LMLN: variants seen among roughly 807,000 people sequenced by gnomAD.
LMLN encodes leishmanolysin like peptidase.
LMLN carries 70 observed loss-of-function variants against 92.3 expected under a neutral mutation model. That is an observed-to-expected ratio of 0.76 (90% confidence interval 0.63 to 0.92). The LOEUF is 0.92. Ranked by LOEUF, LMLN falls within the 40% of genes least tolerant of loss-of-function variation. The pLI is 0.00. For missense variants in LMLN, 691 were observed against 814.6 expected (o/e 0.85, Z 1.85); for synonymous variants, 308 against 296.2 (o/e 1.04, Z -0.41).
intron 9 of LMLN, among the ~76,000 whole-genome samples, chr3:197,994,290 C>G (rs998904798): frequency 2.6e-5 from 4 of 152,084 alleles, no homozygotes; most frequent in African/African-American, 9.7e-5. Context: ...ACGCAGAAGC[C>G]TCTGCACAGC....
At chr3:197,984,649 A>G (rs183916701) in intron 7 of LMLN, among the ~76,000 whole-genome samples, 4 of 151,332 alleles carry the variant, frequency 2.6e-5, no homozygotes, top group East Asian at 2.0e-4. Flanking sequence ...AGGTCTCGCT[A>G]TGTTGCCCAG....
intron 14 of LMLN, 25 bp from the exon 16 acceptor site, chr3:198,035,808 A>G (rs774184732): frequency 5.3e-6 from 8 of 1,510,312 alleles, no homozygotes; most frequent in Admixed American, 3.4e-5. Context: ...TTATTTTTAT[A>G]TATCTATTTT....
At chr3:198,003,479 G>A (rs1722229780) in intron 11 of LMLN, among the ~76,000 whole-genome samples, 1 of 151,994 alleles carries the variant, frequency 6.6e-6, no homozygotes, top group African/African-American at 2.4e-5. Flanking sequence ...TATTGATTCA[G>A]TATCAAAAAA....
chr3:197,978,951 A>G (rs1020432176), intron 5 of LMLN, among the ~76,000 whole-genome samples: 3 of 152,160 alleles, frequency 2.0e-5, no homozygotes, highest in East Asian at 1.9e-4. Context: ...GTCACATACC[A>G]CTGCACTCCA....
At chr3:198,036,022 C>T in exon 15 of LMLN, 11 of 1,613,642 alleles carry the variant, frequency 6.8e-6, no homozygotes, top group Non-Finnish European at 9.3e-6. Context: ...AGCCACTAAC[C>T]TGACCCGAGC....
exon 6 of LMLN, chr3:197,980,503 A>G (rs1368793216): frequency 1.2e-6 from 2 of 1,611,236 alleles, no homozygotes; most frequent in Admixed American, 1.7e-5. Context: ...AAACATGGAC[A>G]GGTAATCTTT....
intron 11 of LMLN, among the ~76,000 whole-genome samples, chr3:198,014,737 C>T (rs1414723972): frequency 1.1e-4 from 16 of 143,124 alleles, no homozygotes; most frequent in African/African-American, 4.0e-4. Flanking sequence ...TCAGAGCCCC[C>T]TAACTAGTCT....
intron 14 of LMLN, among the ~76,000 whole-genome samples, chr3:198,034,618 T>A (rs943122456): frequency 1.3e-5 from 2 of 151,948 alleles, no homozygotes; most frequent in African/African-American, 4.8e-5. Context: ...CTAAAAAAAA[T>A]AAATAAATTA....
chr3:198,019,454 A>T lies in LMLN; in HGVS notation c.1365+69A>T. On this transcript the variant is annotated intron_variant, in intron 12 of 15. Transcript: ENST00000330198. The surrounding 1 kb of genome is among the most constrained non-coding windows in gnomAD (Gnocchi z 5.5). Reference sequence around the variant, plus strand: ...AAGTAGTCTCCATTTTAACTAAAAGAGTAAATTCTCTTAAGATTCTTAATT... The same window carrying T: ...AAGTAGTCTCCATTTTAACTAAAAGTGTAAATTCTCTTAAGATTCTTAATT... 1.4e-6 allele frequency: 2 copies of T among 1,445,792 alleles called. No homozygotes were observed. Among genetic ancestry groups the T allele is most frequent in the Non-Finnish European group, 1.9e-6 (2 of 1,070,666 alleles). 89.6% of individuals were successfully genotyped at this position (1,445,792 alleles called of 1,614,324 possible).
At chr3:197,980,603 C>A in intron 6 of LMLN, 99 bp downstream of exon 6, 1 of 1,207,666 alleles carries the variant, frequency 8.3e-7, no homozygotes, top group Non-Finnish European at 1.2e-6. Flanking sequence ...CTTGCATTTG[C>A]CAGATTGCCT....
At chr3:198,012,745 G>A (rs1233524849) in intron 11 of LMLN, among the ~76,000 whole-genome samples, 7 of 149,604 alleles carry the variant, frequency 4.7e-5, no homozygotes, top group African/African-American at 1.7e-4. Context: ...CCCCTAACTA[G>A]TCTGACTTCT....
intron 11 of LMLN, among the ~76,000 whole-genome samples, chr3:198,012,664 C>G (rs1427805979): frequency 6.6e-6 from 1 of 151,448 alleles, no homozygotes. Flanking sequence ...TCAGAGTCCC[C>G]TAACTAGTCT....
intron 11 of LMLN, among the ~76,000 whole-genome samples, chr3:198,007,152 T>G (rs1225282921): frequency 6.6e-6 from 1 of 152,230 alleles, no homozygotes; most frequent in Non-Finnish European, 1.5e-5. Flanking sequence ...TTTGTCCTTT[T>G]AACAGGGGCT....
intron 1 of LMLN, among the ~76,000 whole-genome samples, chr3:197,971,154 A>T (rs1202129302): frequency 6.6e-6 from 1 of 152,158 alleles, no homozygotes; most frequent in Non-Finnish European, 1.5e-5. Context: ...CCTATGTATA[A>T]TGTTGTATTA....
chr3:197,960,435 A>G (rs749038591), exon 1 of LMLN: 4 of 1,613,370 alleles, frequency 2.5e-6, no homozygotes, highest in East Asian at 4.5e-5. Flanking sequence ...CCCCTCTGAC[A>G]CTGAGGTAGG....
At position 198,017,034 on chromosome 3, in the gene LMLN, A is replaced by G. The variant is rs138437761; in HGVS notation, c.1233-2219A>G. 4.4e-3 allele frequency among the ~76,000 whole-genome samples: 674 copies of G among 151,892 alleles called. 9 individuals are homozygous for G. Among genetic ancestry groups the G allele is most frequent in the African/African-American group, 0.015 (624 of 41,448 alleles). ...TTGCTTGGGAGGCTGAGGTGGGAGG[A>G]TTGCTTGAGCCGAGAAGATCAAGGC... is the stretch of plus-strand genomic sequence containing the variant. On this transcript the variant is annotated intron_variant, in intron 11 of 15. Coordinates refer to ENST00000330198, the Ensembl canonical transcript of LMLN.
At chr3:197,965,312 C>A (rs1224239396) in intron 1 of LMLN, among the ~76,000 whole-genome samples, 1 of 152,152 alleles carries the variant, frequency 6.6e-6, no homozygotes, top group East Asian at 1.9e-4. Context: ...AGCCACTGCA[C>A]CTGGCTGAGA....
chr3:198,020,204 C>T (rs945544747), intron 12 of LMLN, among the ~76,000 whole-genome samples: 1 of 152,162 alleles, frequency 6.6e-6, no homozygotes, highest in African/African-American at 2.4e-5. Context: ...CCATGTTGGC[C>T]AGGCTGGTCT....
exon 1 of LMLN, chr3:197,960,387 G>T: frequency 6.2e-7 from 1 of 1,613,966 alleles, no homozygotes; most frequent in Non-Finnish European, 8.5e-7. Flanking sequence ...ATCTACTCCC[G>T]TCTCCTTGGG....
Sources: gnomAD v4.1 joint callset for allele counts (sites outside exome capture counted in the v4.1 genomes callset) on GRCh38, gnomAD v4.1.1 for gene constraint, Gnocchi (gnomAD v3.1) non-coding constraint, MANE v1.5 for transcripts, NCBI Gene and HGNC (gene_info 2026-07-23, HGNC 2026-07-21) for gene names.